The following C20orf204 variants were observed in gnomAD, a reference collection of about 807,000 sequenced individuals.
C20orf204 encodes the protein chromosome 20 open reading frame 204.
Under a neutral mutation model 3.6 loss-of-function variants are expected in C20orf204, and 6 were observed. That is an observed-to-expected ratio of 1.68 (90% confidence interval 0.92 to 3.31). C20orf204 has a LOEUF of 3.31. Among genes scored for constraint, C20orf204 ranks in the 30% most tolerant of loss-of-function variants. The pLI is 0.00. For synonymous variants in C20orf204, 80 were observed against 41.4 expected, an observed-to-expected ratio of 1.93 and a Z score of -3.58; for missense variants, 167 against 89.7, an observed-to-expected ratio of 1.86 and a Z score of -3.48.
chr20:64,033,721 G>A (rs2059328257), upstream of C20orf204, among the ~76,000 whole-genome samples: 3 of 152,194 alleles, frequency 2.0e-5, no homozygotes, highest in South Asian at 4.1e-4. Context: ...ACAGGCGCCC[G>A]CTGCCAAACT....
upstream of C20orf204, among the ~76,000 whole-genome samples, chr20:64,034,093 G>A (rs934243311): frequency 5.9e-5 from 9 of 152,228 alleles, no homozygotes; most frequent in African/African-American, 4.8e-5. Flanking sequence ...GTGGACAGTC[G>A]TTGAGGCCAG....
chr20:64,033,754 G>T (rs2059328332), upstream of C20orf204, among the ~76,000 whole-genome samples: 1 of 152,188 alleles, frequency 6.6e-6, no homozygotes, highest in Non-Finnish European at 1.5e-5. Flanking sequence ...TGATCCATCT[G>T]CCTCAGCTTC....
upstream of C20orf204, chr20:64,035,332 C>T (rs1462230539): frequency 2.6e-5 from 4 of 152,328 alleles, no homozygotes; most frequent in South Asian, 2.1e-4. Context: ...CATCCAAACA[C>T]GGAAAAGGCA....
chr20:64,038,796 A>G lies in C20orf204; in HGVS notation c.*37A>G, dbSNP rs985226752. On this transcript the variant is annotated 3_prime_UTR_variant, in exon 4 of 4. Coordinates refer to ENST00000636176, the MANE Select transcript of C20orf204 (RefSeq NM_001387010.1). ...CTGGCCCTGCGCGGGGAGGAGAACC[A>G]GCGGGGCCGCGGCAGAGCCTGGAGA... The G allele has an allele frequency of 2.9e-6, 2 of 696,712 alleles. No individual in the cohort carries two copies. The highest frequency in any genetic ancestry group is 5.3e-6 in the Non-Finnish European group (2 of 376,302). 43.2% of individuals were successfully genotyped at this position (696,712 alleles called of 1,614,324 possible).
chr20:64,038,623 G>A lies in C20orf204; in HGVS notation c.434G>A (p.Arg145Gln), dbSNP rs753643190. The change falls in exon 4 of 4, where the codon CGG (arginine) becomes CAG (glutamine). Residue 145 changes from arginine (R) to glutamine (Q), a missense_variant and splice_region_variant. By Grantham distance (43) the Arg-to-Gln change is conservative (BLOSUM62 1). Transcript: ENST00000636176. Reference protein sequence around the residue: ...MRRHCRTLRQRSRRPKMRPAR... With the variant: ...MRRHCRTLRQQSRRPKMRPAR... The stretch of plus-strand genomic sequence containing the variant: ...CGCTGACCGCCCTGTCCCCGACAGC[G>A]GAGCCGGCGGCCCAAGATGCGCCCT... 16 of 572,714 alleles carry A rather than the reference G, an allele frequency of 2.8e-5. No individual in the cohort carries two copies. The highest frequency in any genetic ancestry group is 2.1e-5 in the Non-Finnish European group (7 of 328,670). The allele number at this position is 572,714 out of a possible 1,614,324, so 35.5% of individuals were successfully genotyped here. A position where few individuals can be genotyped will look rare whatever the true frequency, so the allele number is the denominator to read the frequency against.
intron 1 of C20orf204, 79 bp downstream of exon 1, chr20:64,036,405 C>A (rs1389426658): frequency 6.6e-6 from 1 of 152,536 alleles, no homozygotes; most frequent in East Asian, 1.9e-4. Flanking sequence ...TCAGGAGACA[C>A]TGCTTGTTCC....
In C20orf204 at chr20:64,038,379, G is replaced by A. The variant is rs1354269410; in HGVS notation, c.363G>A (p.Glu121=). The A allele has an allele frequency of 2.6e-6, 2 of 770,804 alleles. No homozygotes were observed. The highest frequency in any genetic ancestry group is 3.4e-5 in the African/African-American group (2 of 58,446). The allele number at this position is 770,804 out of a possible 1,614,324, so 47.7% of individuals were successfully genotyped here. A position where few individuals can be genotyped will look rare whatever the true frequency, so the allele number is the denominator to read the frequency against. ...CCGGGGGCCGCCGCGGGGCCCTGGA[G>A]AGAGCTGCTTGGACCGTGGCTGTGC... is the stretch of plus-strand genomic sequence containing the variant. ...AVAGGRRGAL[E]RAAWTVAVRT... Residue 121 remains glutamate (E), a synonymous_variant, in exon 3 of 4, where the codon GAG becomes GAA. Coordinates refer to ENST00000636176, the MANE Select transcript of C20orf204 (RefSeq NM_001387010.1).
At chr20:64,035,121 A>C (rs759307144), upstream of C20orf204, 1 of 152,226 alleles carries the variant, frequency 6.6e-6, no homozygotes, top group Admixed American at 6.5e-5. Context: ...AGTTGGCCAA[A>C]CCACAGTTGT....
In C20orf204 at chr20:64,038,651, C is replaced by T; in HGVS notation, c.462C>T (p.Ala154=). 2 of 625,858 alleles carry T rather than the reference C, an allele frequency of 3.2e-6. No homozygotes were observed. The highest frequency in any genetic ancestry group is 1.7e-5 in the South Asian group (1 of 57,204). 38.8% of individuals were successfully genotyped at this position (625,858 alleles called of 1,614,324 possible). A position where few individuals can be genotyped will look rare whatever the true frequency, so the allele number is the denominator to read the frequency against. Residue 154 remains alanine, a synonymous_variant, in exon 4 of 4, where the codon GCC becomes GCT. Coordinates refer to ENST00000636176, the MANE Select transcript of C20orf204 (RefSeq NM_001387010.1). ...QRSRRPKMRP[A]RRRGGRRQLL... ...GCCGGCGGCCCAAGATGCGCCCTGC[C>T]CGGCGTCGCGGCGGCCGAAGGCAGC...
upstream of C20orf204, among the ~76,000 whole-genome samples, chr20:64,034,190 C>T (rs1358331250): frequency 2.0e-5 from 3 of 152,200 alleles, no homozygotes; most frequent in Admixed American, 6.5e-5. Context: ...GAGGGGAGCC[C>T]TGGAGGGTCC....
Position 64,038,873 on chromosome 20 carries a change from G to A in C20orf204, c.*114G>A, listed in dbSNP as rs1300048280. 1 of 731,596 alleles carries A rather than the reference G, an allele frequency of 1.4e-6. No individual in the cohort carries two copies. The highest frequency in any genetic ancestry group is 2.5e-6 in the Non-Finnish European group (1 of 394,724). 45.3% of individuals were successfully genotyped at this position (731,596 alleles called of 1,614,324 possible). ...TGACCTCGGCCCCTCGCTCGACGCA[G>A]CCCGCGCTCCCCGGAGGGCCCAGGA... On this transcript the variant is annotated 3_prime_UTR_variant, in exon 4 of 4. Transcript: ENST00000636176.
chr20:64,038,051 A>T lies in C20orf204; in HGVS notation c.128A>T (p.Glu43Val), dbSNP rs1451269620. Residue 43 changes from glutamate to valine, a missense_variant, in exon 2 of 4, where the codon GAG (glutamate) becomes GTG (valine). By Grantham distance (121) the Glu-to-Val change is moderately radical. Coordinates refer to ENST00000636176, the MANE Select transcript of C20orf204 (RefSeq NM_001387010.1). The stretch of plus-strand genomic sequence containing the variant: ...CGCCACTATCGCGCCATCATCTTCG[A>T]GGATCTGCAGGCCGCCGTGAAGTGG... ...VLRHYRAIIF[E>V]DLQAAVKWGG... is the part of the protein sequence containing the mutation. The T allele has an allele frequency of 1.9e-6, 1 of 516,868 alleles. No individual in the cohort carries two copies. Among genetic ancestry groups the T allele is most frequent in the Non-Finnish European group, 3.4e-6 (1 of 293,338 alleles). 32.0% of individuals were successfully genotyped at this position (516,868 alleles called of 1,614,324 possible).
At chr20:64,034,629 G>C (rs959090139), upstream of C20orf204, 2 of 152,286 alleles carry the variant, frequency 1.3e-5, no homozygotes, top group Admixed American at 1.3e-4. Context: ...AGTTTCCTTT[G>C]ATCCCTCATG....
In C20orf204 at chr20:64,037,913, G is replaced by A; in HGVS notation, c.4-14G>A. 2.3e-6 allele frequency: 1 copy of A among 430,264 alleles called. No individual in the cohort carries two copies. The allele number at this position is 430,264 out of a possible 1,614,324, so 26.7% of individuals were successfully genotyped here. ...CACCCCCCAGGCCTAACCCCAACCT[G>A]CTGTCTCCTCCAGGTACCCCCTAAG... On this transcript the variant is annotated splice_polypyrimidine_tract_variant and intron_variant, in intron 1 of 3. Coordinates refer to ENST00000636176, the MANE Select transcript of C20orf204 (RefSeq NM_001387010.1).
upstream of C20orf204, among the ~76,000 whole-genome samples, chr20:64,034,121 G>A (rs1353390518): frequency 6.6e-6 from 1 of 152,194 alleles, no homozygotes; most frequent in Non-Finnish European, 1.5e-5. Flanking sequence ...GGAGGAGGGC[G>A]CTGTCATGTG....
At chr20:64,036,012 C>G (rs550672170), upstream of C20orf204, 1 of 152,360 alleles carries the variant, frequency 6.6e-6, no homozygotes, top group Non-Finnish European at 1.5e-5. Flanking sequence ...AGCCCTGGAT[C>G]CCCTGGGAGA....
chr20:64,036,893 A>G (rs552655050), intron 1 of C20orf204: 1 of 152,450 alleles, frequency 6.6e-6, no homozygotes, highest in Non-Finnish European at 1.5e-5. Context: ...GCTCTATGCA[A>G]GGGTTGGGGT....
rs991832152 is a variant in C20orf204 at position 64,038,025 on chromosome 20, C to T, written c.102C>T (p.Leu34=). 1.3e-5 allele frequency: 7 copies of T among 524,468 alleles called. No homozygotes were observed. The highest frequency in any genetic ancestry group is 1.2e-4 in the African/African-American group (6 of 49,418). The allele number at this position is 524,468 out of a possible 1,614,324, so 32.5% of individuals were successfully genotyped here. A position where few individuals can be genotyped will look rare whatever the true frequency, so the allele number is the denominator to read the frequency against. The change falls in exon 2 of 4, where the codon CTC becomes CTT. Residue 34 remains leucine, a synonymous_variant. Transcript: ENST00000636176. The part of the protein sequence containing the change: ...YSPACSVPDV[L]RHYRAIIFED... ...CGGCCTGCAGCGTCCCCGACGTGCT[C>T]CGCCACTATCGCGCCATCATCTTCG... is the stretch of plus-strand genomic sequence containing the variant.
upstream of C20orf204, chr20:64,035,053 T>C (rs1251771014): frequency 1.3e-5 from 2 of 152,262 alleles, no homozygotes; most frequent in African/African-American, 4.8e-5. Context: ...GCGCTTACAT[T>C]GTCCATGTGT....
Sources: gnomAD v4.1 joint callset for allele counts (sites outside exome capture counted in the v4.1 genomes callset) on GRCh38, gnomAD v4.1.1 for gene constraint, MANE v1.5 for transcripts, NCBI Gene and HGNC (gene_info 2026-07-23, HGNC 2026-07-21) for gene names.